Variants in RGPD2 observed in about 807,000 individuals in gnomAD.
RGPD2 encodes the protein RANBP2-like and GRIP domain-containing protein 2.
Under a neutral mutation model 36.0 loss-of-function variants are expected in RGPD2, and 2 were observed. The observed-to-expected ratio is 0.06, with a 90% CI of 0.02 to 0.17. The LOEUF (loss-of-function observed/expected upper bound fraction) is 0.17, where lower values mean the gene tolerates loss of function less well. RGPD2 is among the 10% of genes least tolerant of loss of function. The pLI is 1.00. For synonymous variants in RGPD2, 19 were observed against 163.8 expected (o/e 0.12, Z 6.75); for missense variants, 40 against 464.3 (o/e 0.09, Z 8.40).
At chr2:87,839,757 C>A in the RGPD2 span, among the ~76,000 whole-genome samples, 1 of 151,934 alleles carries the variant, frequency 6.6e-6, no homozygotes, top group Non-Finnish European at 1.5e-5. Context: ...ACAGTAAATA[C>A]CACAGCCTAC....
At chr2:87,854,028 T>A in the RGPD2 span, among the ~76,000 whole-genome samples, 6 of 152,002 alleles carry the variant, frequency 3.9e-5, no homozygotes, top group African/African-American at 1.5e-4. Flanking sequence ...TCTTATCACT[T>A]CATAATTAAT....
chr2:87,986,532 T>C, the RGPD2 span, among the ~76,000 whole-genome samples: 1 of 151,950 alleles, frequency 6.6e-6, no homozygotes, highest in Non-Finnish European at 1.5e-5. Flanking sequence ...TGCCCAGCAA[T>C]TACTAACTGC....
the RGPD2 span, among the ~76,000 whole-genome samples, chr2:87,877,179 A>G: frequency 6.6e-6 from 1 of 151,448 alleles, no homozygotes; most frequent in Admixed American, 6.6e-5. Flanking sequence ...GTGTCTTTTA[A>G]TTGGGGCATT....
chr2:87,918,484 T>C, the RGPD2 span, among the ~76,000 whole-genome samples: 4 of 150,912 alleles, frequency 2.7e-5, no homozygotes, highest in Admixed American at 2.0e-4. Flanking sequence ...AGATGGACAA[T>C]GTCCAAGACT....
the RGPD2 span, among the ~76,000 whole-genome samples, chr2:87,894,560 A>G: frequency 6.6e-6 from 1 of 152,062 alleles, no homozygotes; most frequent in Non-Finnish European, 1.5e-5. Context: ...TTTATCTATC[A>G]TTTATAAATA....
the RGPD2 span, among the ~76,000 whole-genome samples, chr2:87,866,738 G>T: frequency 6.6e-6 from 1 of 151,982 alleles, no homozygotes; most frequent in African/African-American, 2.4e-5. Context: ...TGTTTGCAAT[G>T]GCCATGCAGG....
chr2:87,961,954 G>A, the RGPD2 span, among the ~76,000 whole-genome samples: 2 of 137,998 alleles, frequency 1.4e-5, no homozygotes, highest in African/African-American at 2.7e-5. Flanking sequence ...AGGATCCCAA[G>A]AGTTCCAGGT....
At chr2:87,974,252 G>C in the RGPD2 span, among the ~76,000 whole-genome samples, 1 of 145,206 alleles carries the variant, frequency 6.9e-6, no homozygotes. Flanking sequence ...AAGAAACTAT[G>C]AACGATAAGA....
the RGPD2 span, among the ~76,000 whole-genome samples, chr2:87,929,468 GTTT>G: frequency 9.5e-6 from 1 of 105,174 alleles, no homozygotes; most frequent in East Asian, 2.5e-4. Context: ...CTCCAGCTTT[GTTT>G]TTTTTGTGTG....
chr2:87,906,497 T>C, the RGPD2 span, among the ~76,000 whole-genome samples: 1 of 81,802 alleles, frequency 1.2e-5, no homozygotes. Flanking sequence ...TTTATTCTAA[T>C]TCCAGCTTGG....
At chr2:87,813,020 T>C (rs1686160366) in intron 4 of RGPD2, among the ~76,000 whole-genome samples, 1 of 151,034 alleles carries the variant, frequency 6.6e-6, no homozygotes, top group Admixed American at 6.6e-5. Flanking sequence ...ATCCTTCTTA[T>C]TCTTCCACCT....
the RGPD2 span, among the ~76,000 whole-genome samples, chr2:87,919,101 C>T: frequency 6.6e-6 from 1 of 150,676 alleles, no homozygotes; most frequent in African/African-American, 2.5e-5. Context: ...CAGTTACCTC[C>T]AGTATTCAAA....
the RGPD2 span, among the ~76,000 whole-genome samples, chr2:87,831,208 A>G: frequency 1.3e-5 from 2 of 152,150 alleles, no homozygotes; most frequent in African/African-American, 4.8e-5. Context: ...CAAACAGGAC[A>G]TGGCAGAAGA....
the RGPD2 span, among the ~76,000 whole-genome samples, chr2:87,870,616 C>A: frequency 6.6e-6 from 1 of 152,294 alleles, no homozygotes; most frequent in East Asian, 1.9e-4. Flanking sequence ...CTCTGTTGGA[C>A]CTGTAAATAT....
At chr2:87,962,413 T>C in the RGPD2 span, among the ~76,000 whole-genome samples, 1 of 151,240 alleles carries the variant, frequency 6.6e-6, no homozygotes, top group Admixed American at 6.6e-5. Context: ...GAACAAGTAT[T>C]GCCTTTCTAA....
At chr2:87,882,709 T>C in the RGPD2 span, among the ~76,000 whole-genome samples, 1 of 152,230 alleles carries the variant, frequency 6.6e-6, no homozygotes, top group East Asian at 1.9e-4. Context: ...CAATATTAAT[T>C]CTACTAATTC....
chr2:87,878,312 T>C, the RGPD2 span, among the ~76,000 whole-genome samples: 1 of 135,830 alleles, frequency 7.4e-6, no homozygotes, highest in Non-Finnish European at 1.6e-5. Context: ...TTGCTTGGCC[T>C]ATTCTGCTCC....
At chr2:87,861,427 T>C in the RGPD2 span, among the ~76,000 whole-genome samples, 11 of 152,222 alleles carry the variant, frequency 7.2e-5, no homozygotes, top group African/African-American at 2.4e-4. Context: ...AAGTTAATGT[T>C]TGGAACATTT....
At chr2:87,933,649 G>A in the RGPD2 span, among the ~76,000 whole-genome samples, 2 of 149,056 alleles carry the variant, frequency 1.3e-5, no homozygotes, top group East Asian at 2.0e-4. Context: ...TGAAGGAACA[G>A]GTGGTGTTTC....
Sources: allele counts gnomAD v4.1 joint callset (sites outside exome capture counted in the v4.1 genomes callset), GRCh38; gene constraint gnomAD v4.1.1; transcripts MANE v1.5; gene names NCBI Gene and HGNC (gene_info 2026-07-23, HGNC 2026-07-21).